Variants in HS3ST1 observed in about 807,000 individuals in gnomAD.
The protein encoded by HS3ST1 is heparan sulfate glucosamine 3-O-sulfotransferase 1.
HS3ST1 carries 8 observed loss-of-function variants against 20.7 expected under a neutral mutation model. That is an observed-to-expected ratio of 0.39 (90% CI 0.23 to 0.70). The LOEUF is 0.70. Among genes scored for constraint, HS3ST1 ranks in the 30% least tolerant of loss-of-function variants. The pLI, the probability that HS3ST1 is intolerant of heterozygous loss-of-function variation, is 0.46. For synonymous variants in HS3ST1, 205 were observed against 190.4 expected (o/e 1.08, Z -0.63); for missense variants, 436 against 423.4 (o/e 1.03, Z -0.26).
intron 1 of HS3ST1, among the ~76,000 whole-genome samples, chr4:11,402,157 A>G (rs1363224102): frequency 6.6e-6 from 1 of 152,216 alleles, no homozygotes; most frequent in Non-Finnish European, 1.5e-5. Context: ...CAGGACATCC[A>G]TTTTTATGAT....
At chr4:11,406,214 A>G (rs1352661026) in intron 1 of HS3ST1, among the ~76,000 whole-genome samples, 2 of 152,224 alleles carry the variant, frequency 1.3e-5, no homozygotes, top group East Asian at 1.9e-4. Context: ...ACTTGCAACA[A>G]TACAAGAGGT....
At chr4:11,403,015 T>C (rs1718367243) in intron 1 of HS3ST1, among the ~76,000 whole-genome samples, 1 of 152,246 alleles carries the variant, frequency 6.6e-6, no homozygotes, top group African/African-American at 2.4e-5. Flanking sequence ...ACCTTTTTCA[T>C]TCAAAAATAT....
rs764532523 is a variant in HS3ST1, at chr4:11,399,492, G to A, written c.514C>T (p.Pro172Ser). ...YNHMQKHKPY[P>S]SIEEFLVRDG... ...CGCACCAGGAACTCCTCGATGGACG[G>A]GTAGGGCTTGTGCTTCTGCATGTGG... The change falls in exon 2 of 2, where the codon CCG (proline) becomes TCG (serine). Residue 172 changes from proline to serine, a missense_variant. Transcript: ENST00000002596. This position sits in a 1 kb window ranked among gnomAD's most constrained non-coding sequence, Gnocchi z 5.1. 1 of 1,614,044 alleles carries A rather than the reference G, an allele frequency of 6.2e-7. No homozygotes were observed. The highest frequency in any genetic ancestry group is 2.2e-5 in the East Asian group (1 of 44,856).
In HS3ST1 at chr4:11,394,103, A is replaced by T. The variant is rs1718075549; in HGVS notation, c.*4979T>A. 1 of 152,220 alleles carries T rather than the reference A, an allele frequency of 6.6e-6. No homozygotes were observed. Among genetic ancestry groups the T allele is most frequent in the South Asian group, 2.1e-4 (1 of 4,832 alleles). 9.4% of individuals were successfully genotyped at this position (152,220 alleles called of 1,614,324 possible). A position where few individuals can be genotyped will look rare whatever the true frequency, so the allele number is the denominator to read the frequency against. On this transcript the variant is annotated 3_prime_UTR_variant, in exon 2 of 2. Coordinates refer to ENST00000002596, the MANE Select transcript of HS3ST1 (RefSeq NM_005114.4). ...CCCAAATGTTTTTAACCACTAAGTAACATATGCACTGGGTTTATAGTTTTT... is the reference window on the plus strand; with the variant it reads ...CCCAAATGTTTTTAACCACTAAGTATCATATGCACTGGGTTTATAGTTTTT...
At chr4:11,403,362 G>A (rs1332411285) in intron 1 of HS3ST1, among the ~76,000 whole-genome samples, 1 of 152,138 alleles carries the variant, frequency 6.6e-6, no homozygotes, top group Non-Finnish European at 1.5e-5. Context: ...AACACTCTCA[G>A]AAACAAAAAG....
At chr4:11,410,894 AAAAT>A (rs10564680) in intron 1 of HS3ST1, among the ~76,000 whole-genome samples, 93,836 of 149,734 alleles carry the variant, frequency 0.63, 29,704 homozygotes, top group East Asian at 0.83. Context: ...TCCATCTCAA[AAAAT>A]AAATAAATAA....
chr4:11,408,690 C>T (rs554269026), intron 1 of HS3ST1, among the ~76,000 whole-genome samples: 1 of 152,362 alleles, frequency 6.6e-6, no homozygotes, highest in African/African-American at 2.4e-5. Context: ...CAGAAACACA[C>T]TGGCTCAGGC....
intron 1 of HS3ST1, among the ~76,000 whole-genome samples, chr4:11,417,050 T>C (rs747301775): frequency 6.6e-6 from 1 of 152,122 alleles, no homozygotes; most frequent in Admixed American, 6.5e-5. Flanking sequence ...GAGGTATGTA[T>C]ACAGAACAGA....
chr4:11,431,940 A>C (rs1453903560), upstream of HS3ST1, among the ~76,000 whole-genome samples: 1 of 152,204 alleles, frequency 6.6e-6, no homozygotes, highest in Non-Finnish European at 1.5e-5. Context: ...CCTGACTCCA[A>C]AGTGCATCTT....
At position 11,396,818 on chromosome 4, in the gene HS3ST1, T is replaced by C. The variant is rs1166682499; in HGVS notation, c.*2264A>G. The C allele has an allele frequency of 2.6e-5, 4 of 152,178 alleles. No homozygotes were observed. The highest frequency in any genetic ancestry group is 5.9e-5 in the Non-Finnish European group (4 of 68,066). The allele number at this position is 152,178 out of a possible 1,614,324, so 9.4% of individuals were successfully genotyped here. ...AAATGAAAACATATTGAATTTACAT[T>C]CACTGATCATTTTACACTGGACCAC... On this transcript the variant is annotated 3_prime_UTR_variant, in exon 2 of 2. Coordinates refer to ENST00000002596, the MANE Select transcript of HS3ST1 (RefSeq NM_005114.4).
chr4:11,410,533 G>A (rs1281997359), intron 1 of HS3ST1, among the ~76,000 whole-genome samples: 2 of 152,208 alleles, frequency 1.3e-5, no homozygotes, highest in African/African-American at 4.8e-5. Context: ...GGCAGGTGCT[G>A]GTGTGGATGA....
upstream of HS3ST1, among the ~76,000 whole-genome samples, chr4:11,432,437 AC>A (rs1719222981): frequency 2.0e-5 from 3 of 152,368 alleles, no homozygotes; most frequent in South Asian, 6.2e-4. Flanking sequence ...TAGATGAGGT[AC>A]TAATGGCTCT....
chr4:11,415,980 T>C (rs555012610), intron 1 of HS3ST1, among the ~76,000 whole-genome samples: 18 of 152,244 alleles, frequency 1.2e-4, no homozygotes, highest in Non-Finnish European at 2.4e-4. Flanking sequence ...GCTGCTCCAG[T>C]ACGCCTGGAA....
intron 1 of HS3ST1, among the ~76,000 whole-genome samples, chr4:11,415,715 C>T (rs945727177): frequency 2.6e-5 from 4 of 152,184 alleles, no homozygotes; most frequent in Admixed American, 2.0e-4. Flanking sequence ...GGCTCTTAAT[C>T]TAGTGTTTTT....
chr4:11,421,865 C>T (rs1010547734), intron 1 of HS3ST1, among the ~76,000 whole-genome samples: 38 of 152,226 alleles, frequency 2.5e-4, no homozygotes, highest in Admixed American at 2.3e-3. Context: ...GCCACCTTTA[C>T]TCTGGGCATC....
At chr4:11,403,174 T>C (rs1252998260) in intron 1 of HS3ST1, among the ~76,000 whole-genome samples, 1 of 152,230 alleles carries the variant, frequency 6.6e-6, no homozygotes, top group Non-Finnish European at 1.5e-5. Context: ...TGTAAAAATG[T>C]GTATAAGTAC....
intron 1 of HS3ST1, among the ~76,000 whole-genome samples, chr4:11,411,266 T>G (rs1316876328): frequency 6.6e-6 from 1 of 152,216 alleles, no homozygotes; most frequent in Non-Finnish European, 1.5e-5. Flanking sequence ...TAGTATGCCC[T>G]AGTGGGTTTT....
At chr4:11,431,602 G>A (rs536017074), upstream of HS3ST1, among the ~76,000 whole-genome samples, 32 of 152,230 alleles carry the variant, frequency 2.1e-4, no homozygotes, top group Non-Finnish European at 3.5e-4. Flanking sequence ...GAAAAACAAG[G>A]CAAACACTCC....
chr4:11,426,328 C>T (rs1719057582), intron 1 of HS3ST1, among the ~76,000 whole-genome samples: 1 of 151,190 alleles, frequency 6.6e-6, no homozygotes, highest in African/African-American at 2.4e-5. Context: ...CAATTCAAGG[C>T]AAGAGAAGCT....
Sources: gnomAD v4.1 joint callset for allele counts (sites outside exome capture counted in the v4.1 genomes callset) on GRCh38, gnomAD v4.1.1 for gene constraint, Gnocchi (gnomAD v3.1) non-coding constraint, MANE v1.5 for transcripts, NCBI Gene and HGNC (gene_info 2026-07-23, HGNC 2026-07-21) for gene names.